The following SLC38A9 variants were observed in gnomAD, a reference collection of about 807,000 sequenced individuals.
SLC38A9 encodes solute carrier family 38 member 9.
SLC38A9 carries 48 observed loss-of-function variants against 62.3 expected under a neutral mutation model. That is an observed-to-expected ratio of 0.77 (90% confidence interval 0.61 to 0.98). SLC38A9 has a LOEUF of 0.98. Among genes scored for constraint, SLC38A9 ranks in the 50% least tolerant of loss-of-function variants. SLC38A9 has a pLI of 0.00. For missense variants in SLC38A9, 541 were observed against 679.8 expected, an observed-to-expected ratio of 0.80 and a Z score of 2.27; for synonymous variants, 204 against 227.7, an observed-to-expected ratio of 0.90 and a Z score of 0.94.
chr5:55,708,743 G>A (rs1463349399), intron 2 of SLC38A9, among the ~76,000 whole-genome samples: 1 of 152,116 alleles, frequency 6.6e-6, no homozygotes, highest in Non-Finnish European at 1.5e-5. Flanking sequence ...ATTTTTTTCT[G>A]TAAAGGGTCA....
intron 12 of SLC38A9, among the ~76,000 whole-genome samples, chr5:55,636,336 C>A (rs561278846): frequency 2.0e-5 from 3 of 152,254 alleles, no homozygotes; most frequent in South Asian, 2.1e-4. Context: ...GCGGTTCCCA[C>A]CCTCCCAACC....
chr5:55,639,925 C>T (rs534044873), intron 12 of SLC38A9, among the ~76,000 whole-genome samples: 3 of 148,756 alleles, frequency 2.0e-5, no homozygotes, highest in Admixed American at 6.7e-5. Flanking sequence ...TAGACCATCA[C>T]TTCATAACCC....
intron 3 of SLC38A9, among the ~76,000 whole-genome samples, chr5:55,690,857 C>T (rs1053589795): frequency 2.0e-5 from 3 of 152,132 alleles, no homozygotes; most frequent in Admixed American, 6.5e-5. Flanking sequence ...TGTTAGACTG[C>T]GACCTTATTT....
intron 3 of SLC38A9, among the ~76,000 whole-genome samples, chr5:55,682,113 G>A (rs1303754803): frequency 1.3e-5 from 2 of 152,060 alleles, no homozygotes; most frequent in Non-Finnish European, 2.9e-5. Flanking sequence ...GAGCCTACAT[G>A]CCCTTAACAG....
chr5:55,656,661 CT>C, intron 9 of SLC38A9, 53 bp downstream of exon 9: 1 of 1,244,440 alleles, frequency 8.0e-7, no homozygotes, highest in African/African-American at 1.5e-5. Context: ...ACCTTAAATC[CT>C]TTTTGGAGCA....
chr5:55,642,325 G>A (rs1316907017), intron 12 of SLC38A9, among the ~76,000 whole-genome samples: 3 of 152,218 alleles, frequency 2.0e-5, no homozygotes, highest in Non-Finnish European at 4.4e-5. Flanking sequence ...GATTACAGGC[G>A]TGAGCCACCG....
At chr5:55,658,450 A>C (rs1382764344) in intron 8 of SLC38A9, among the ~76,000 whole-genome samples, 1 of 152,184 alleles carries the variant, frequency 6.6e-6, no homozygotes, top group Non-Finnish European at 1.5e-5. Flanking sequence ...CACCGCGCCC[A>C]GCCCAATTTA....
chr5:55,673,885 T>C (rs180810851), intron 3 of SLC38A9, among the ~76,000 whole-genome samples: 148 of 152,240 alleles, frequency 9.7e-4, no homozygotes, highest in African/African-American at 3.4e-3. Context: ...CTAATTTTTG[T>C]ATTTTTAGTA....
intron 3 of SLC38A9, among the ~76,000 whole-genome samples, chr5:55,687,065 G>GTTTTTTTT (rs56912932): frequency 2.5e-4 from 31 of 125,684 alleles, no homozygotes; most frequent in African/African-American, 7.6e-4. Context: ...CTCCAGCTTT[G>GTTTTTTTT]TTTTTTTTTT....
intron 9 of SLC38A9, among the ~76,000 whole-genome samples, chr5:55,654,145 A>C (rs1003125640): frequency 6.6e-6 from 1 of 152,222 alleles, no homozygotes; most frequent in African/African-American, 2.4e-5. Flanking sequence ...TCATTTGTCA[A>C]AGAGAAAGAA....
intron 7 of SLC38A9, 148 bp from the exon 8 acceptor site, chr5:55,665,011 A>G (rs1750229419): frequency 5.0e-6 from 2 of 403,658 alleles, no homozygotes; most frequent in Non-Finnish European, 8.8e-6. Context: ...AAGATAATAA[A>G]ATTAAAACAT....
intron 4 of SLC38A9, among the ~76,000 whole-genome samples, chr5:55,671,165 A>T (rs536836939): frequency 9.4e-5 from 14 of 149,700 alleles, no homozygotes; most frequent in African/African-American, 3.4e-4. Flanking sequence ...CATATGCGGT[A>T]GTTTTTATAA....
chr5:55,640,592 G>A (rs973771256), intron 12 of SLC38A9, among the ~76,000 whole-genome samples: 2 of 152,152 alleles, frequency 1.3e-5, no homozygotes, highest in Admixed American at 6.5e-5. Context: ...ATAAACTGGT[G>A]TGACTTTCCA....
chr5:55,650,719 T>C (rs2150169931), intron 10 of SLC38A9, among the ~76,000 whole-genome samples: 1 of 152,302 alleles, frequency 6.6e-6, no homozygotes, highest in South Asian at 2.1e-4. Flanking sequence ...CAAAGAGAAA[T>C]AATTTTAACT....
At chr5:55,632,877 A>G (rs1472080131) in intron 14 of SLC38A9, among the ~76,000 whole-genome samples, 5 of 152,194 alleles carry the variant, frequency 3.3e-5, no homozygotes, top group Admixed American at 3.3e-4. Flanking sequence ...TCAGTCTATT[A>G]GCATTAGACA....
chr5:55,633,706 G>A, intron 14 of SLC38A9, 48 bp downstream of exon 14: 2 of 1,613,086 alleles, frequency 1.2e-6, no homozygotes, highest in Non-Finnish European at 8.5e-7. Flanking sequence ...TGCTTGCACA[G>A]TCATTTGTTG....
chr5:55,673,987 C>T (rs1461696903), intron 3 of SLC38A9, among the ~76,000 whole-genome samples: 1 of 152,230 alleles, frequency 6.6e-6, no homozygotes, highest in Non-Finnish European at 1.5e-5. Flanking sequence ...GTTGGGATTA[C>T]AGGCATAAGC....
chr5:55,676,030 T>A (rs1051772097), intron 3 of SLC38A9, among the ~76,000 whole-genome samples: 14 of 152,072 alleles, frequency 9.2e-5, no homozygotes, highest in African/African-American at 3.1e-4. Flanking sequence ...CGTAGGGAAA[T>A]TATTATACAA....
At chr5:55,658,200 G>A (rs78715214) in intron 8 of SLC38A9, among the ~76,000 whole-genome samples, 6,272 of 152,042 alleles carry the variant, frequency 0.041, 246 homozygotes, top group Non-Finnish European at 0.057. Context: ...GAATCTTGCT[G>A]TCACCCAGGC....
Sources: allele counts gnomAD v4.1 joint callset (sites outside exome capture counted in the v4.1 genomes callset), GRCh38; gene constraint gnomAD v4.1.1; transcripts MANE v1.5; gene names NCBI Gene and HGNC (gene_info 2026-07-23, HGNC 2026-07-21).